The following CSNK1G1 variants were observed in gnomAD, a reference collection of about 807,000 sequenced individuals.
CSNK1G1 encodes the protein casein kinase 1 gamma 1.
CSNK1G1 carries 22 observed loss-of-function variants against 59.6 expected under a neutral mutation model. The ratio of observed to expected loss-of-function variants is 0.37; its 90% CI spans 0.26 to 0.53. CSNK1G1 has a LOEUF of 0.53. Ranked by LOEUF, CSNK1G1 falls within the 20% of genes least tolerant of loss-of-function variation. The pLI is 0.89. For synonymous variants in CSNK1G1, 179 were observed against 177.1 expected, an observed-to-expected ratio of 1.01 and a Z score of -0.08; for missense variants, 384 against 519.5, an observed-to-expected ratio of 0.74 and a Z score of 2.54.
intron 4 of CSNK1G1, among the ~76,000 whole-genome samples, chr15:64,237,353 A>C (rs536403755): frequency 6.6e-6 from 1 of 152,268 alleles, no homozygotes; most frequent in South Asian, 2.1e-4. Context: ...AGACCTGAAA[A>C]ATTTATACAT....
intron 10 of CSNK1G1, among the ~76,000 whole-genome samples, chr15:64,201,625 C>G (rs2082108416): frequency 6.6e-6 from 1 of 151,786 alleles, no homozygotes; most frequent in Non-Finnish European, 1.5e-5. Flanking sequence ...ATACTTTTTT[C>G]TTACCCACCA....
intron 2 of CSNK1G1, among the ~76,000 whole-genome samples, chr15:64,278,377 CGTGTGTGTGTGTGTGT>C (rs56064136): frequency 7.3e-4 from 81 of 111,482 alleles, no homozygotes; most frequent in African/African-American, 2.2e-3. Flanking sequence ...CATGTATGTG[CGTGTGTGTGTGTGTGT>C]GTGTGTGTGT....
chr15:64,277,645 TTAA>T (rs1289168114), intron 2 of CSNK1G1, among the ~76,000 whole-genome samples: 13 of 130,964 alleles, frequency 9.9e-5, no homozygotes, highest in African/African-American at 3.0e-4. Context: ...ATTAATATAT[TTAA>T]TAATATAGCA....
intron 4 of CSNK1G1, among the ~76,000 whole-genome samples, chr15:64,248,114 C>T (rs1441897040): frequency 6.6e-6 from 1 of 152,200 alleles, no homozygotes; most frequent in African/African-American, 2.4e-5. Flanking sequence ...AATGCTGCAA[C>T]ATCACCTTGG....
At chr15:64,239,260 A>G (rs1195598907) in intron 4 of CSNK1G1, among the ~76,000 whole-genome samples, 1 of 152,210 alleles carries the variant, frequency 6.6e-6, no homozygotes, top group Non-Finnish European at 1.5e-5. Flanking sequence ...ATATGACACC[A>G]CCAAAGAAGC....
chr15:64,355,878 A>G (rs1037441875), intron 1 of CSNK1G1, 110 bp downstream of exon 1: 5 of 149,538 alleles, frequency 3.3e-5, no homozygotes, highest in African/African-American at 1.2e-4. Flanking sequence ...ACCCGGGATC[A>G]CGGCGTCCCC....
intron 10 of CSNK1G1, among the ~76,000 whole-genome samples, chr15:64,202,666 C>T (rs1259982999): frequency 6.6e-6 from 1 of 152,096 alleles, no homozygotes; most frequent in Non-Finnish European, 1.5e-5. Context: ...GATTCTCCCA[C>T]CTCAGCCTCC....
chr15:64,299,109 C>G (rs567395391), intron 2 of CSNK1G1, among the ~76,000 whole-genome samples: 46 of 152,184 alleles, frequency 3.0e-4, no homozygotes, highest in East Asian at 1.9e-3. Context: ...ACCACTCCCC[C>G]CAAAGGGCCA....
At chr15:64,318,949 C>T (rs1896416426) in intron 1 of CSNK1G1, among the ~76,000 whole-genome samples, 2 of 151,806 alleles carry the variant, frequency 1.3e-5, no homozygotes. Flanking sequence ...ACTTCCCAGG[C>T]TCAAGTGATC....
intron 8 of CSNK1G1, 44 bp downstream of exon 8, chr15:64,204,821 G>T: frequency 7.3e-7 from 1 of 1,361,540 alleles, no homozygotes; most frequent in Non-Finnish European, 1.1e-6. Flanking sequence ...ACTCTACCTA[G>T]TTTCAAAGCT....
intron 10 of CSNK1G1, among the ~76,000 whole-genome samples, chr15:64,196,173 C>A (rs543970439): frequency 1.3e-5 from 2 of 152,034 alleles, no homozygotes; most frequent in Admixed American, 6.5e-5. Flanking sequence ...GCTGTGATCA[C>A]GCCACTACAC....
At position 64,188,382 on chromosome 15, in the gene CSNK1G1, G is replaced by T; in HGVS notation, c.1108-7928C>A. On this transcript the variant is annotated intron_variant, in intron 10 of 11. Transcript: ENST00000303052. This position sits in a 1 kb window ranked among gnomAD's most constrained non-coding sequence, Gnocchi z 4.2. Reference sequence around the variant, plus strand: ...AATAAAGGCAGTAAATACCTGCACTGATCCCCCATGGCGGTCTGCAGCCAA... The same window carrying T: ...AATAAAGGCAGTAAATACCTGCACTTATCCCCCATGGCGGTCTGCAGCCAA... The T allele has an allele frequency of 6.5e-7, 1 of 1,535,718 alleles. No individual in the cohort carries two copies. The highest frequency in any genetic ancestry group is 8.7e-7 in the Non-Finnish European group (1 of 1,146,594).
At chr15:64,264,576 A>G (rs1474983004) in intron 2 of CSNK1G1, among the ~76,000 whole-genome samples, 1 of 152,240 alleles carries the variant, frequency 6.6e-6, no homozygotes, top group East Asian at 1.9e-4. Context: ...AAACAAAATA[A>G]AACTACAGGC....
chr15:64,239,851 A>C lies in CSNK1G1; in HGVS notation c.292+11661T>G, dbSNP rs1007388085. On this transcript the variant is annotated intron_variant, in intron 4 of 11. Coordinates refer to ENST00000303052, the MANE Select transcript of CSNK1G1 (RefSeq NM_022048.5). Reference sequence around the variant, plus strand: ...TGAAGAATTCAATGAATTAAATAAAAAGTACAACAGAAATTCAACAGCAGA... The same window carrying C: ...TGAAGAATTCAATGAATTAAATAAACAGTACAACAGAAATTCAACAGCAGA... 2.0e-5 allele frequency among the ~76,000 whole-genome samples: 3 copies of C among 152,202 alleles called. No individual in the cohort carries two copies. In the South Asian group the frequency reaches 6.2e-4, roughly 31 times the overall value.
chr15:64,285,248 C>G (rs1234847067), intron 2 of CSNK1G1, among the ~76,000 whole-genome samples: 2 of 151,980 alleles, frequency 1.3e-5, no homozygotes, highest in Admixed American at 6.6e-5. Context: ...AACCACATAG[C>G]AATGTAGTTA....
intron 10 of CSNK1G1, among the ~76,000 whole-genome samples, chr15:64,184,249 G>A (rs1281289445): frequency 6.6e-6 from 1 of 152,046 alleles, no homozygotes; most frequent in Non-Finnish European, 1.5e-5. Context: ...CTTGCAGTGA[G>A]CAGAGATCAT....
At chr15:64,184,326 A>C (rs1322791077) in intron 10 of CSNK1G1, among the ~76,000 whole-genome samples, 2 of 151,776 alleles carry the variant, frequency 1.3e-5, no homozygotes, top group Non-Finnish European at 2.9e-5. Flanking sequence ...ATAAATAAAT[A>C]AATTTTTAGT....
chr15:64,230,621 C>T (rs2082534222), intron 4 of CSNK1G1, among the ~76,000 whole-genome samples: 2 of 152,158 alleles, frequency 1.3e-5, no homozygotes, highest in South Asian at 4.1e-4. Flanking sequence ...GGCCTATTTT[C>T]AACATTTAGC....
At chr15:64,233,625 G>A (rs908257818) in intron 4 of CSNK1G1, among the ~76,000 whole-genome samples, 9 of 152,100 alleles carry the variant, frequency 5.9e-5, no homozygotes, top group Admixed American at 2.0e-4. Flanking sequence ...AAAACTTTAC[G>A]GAAATTACAA....
Sources: gnomAD v4.1 joint callset for allele counts (sites outside exome capture counted in the v4.1 genomes callset) on GRCh38, gnomAD v4.1.1 for gene constraint, Gnocchi (gnomAD v3.1) non-coding constraint, MANE v1.5 for transcripts, NCBI Gene and HGNC (gene_info 2026-07-23, HGNC 2026-07-21) for gene names.